The following FBXO25 variants were observed in gnomAD, a reference collection of about 807,000 sequenced individuals.
FBXO25 encodes the protein F-box protein 25.
Under a neutral mutation model 51.9 loss-of-function variants are expected in FBXO25, and 45 were observed. The ratio of observed to expected loss-of-function variants is 0.87; its 90% CI spans 0.68 to 1.11. FBXO25 has a LOEUF of 1.11. Among genes scored for constraint, FBXO25 ranks in the 50% most tolerant of loss-of-function variants. FBXO25 has a pLI of 0.00. For synonymous variants in FBXO25, 199 were observed against 151.0 expected, an observed-to-expected ratio of 1.32 and a Z score of -2.33; for missense variants, 507 against 428.5, an observed-to-expected ratio of 1.18 and a Z score of -1.62.
At chr8:438,573 G>C (rs1212705355) in intron 5 of FBXO25, among the ~76,000 whole-genome samples, 3 of 152,166 alleles carry the variant, frequency 2.0e-5, no homozygotes, top group Non-Finnish European at 4.4e-5. Context: ...TTGAGTTTGA[G>C]CCAGATGTCC....
intron 1 of FBXO25, among the ~76,000 whole-genome samples, chr8:407,884 G>A (rs1796260421): frequency 6.6e-6 from 1 of 152,074 alleles, no homozygotes; most frequent in African/African-American, 2.4e-5. Flanking sequence ...TTCTCAATTA[G>A]ATTCCACCTC....
chr8:414,353 A>T (rs1585000970), intron 2 of FBXO25, among the ~76,000 whole-genome samples: 1 of 152,180 alleles, frequency 6.6e-6, no homozygotes, highest in Non-Finnish European at 1.5e-5. Flanking sequence ...CAGTTTTTTT[A>T]AAATTTAAAG....
chr8:460,915 C>G (rs143620651), intron 8 of FBXO25, among the ~76,000 whole-genome samples: 1 of 152,070 alleles, frequency 6.6e-6, no homozygotes, highest in Non-Finnish European at 1.5e-5. Flanking sequence ...CCTCAAAAGC[C>G]GTGACTGAAG....
intron 5 of FBXO25, among the ~76,000 whole-genome samples, chr8:444,033 C>A (rs1013019621): frequency 2.6e-5 from 4 of 152,142 alleles, no homozygotes; most frequent in African/African-American, 9.7e-5. Context: ...TCTCTCCCTG[C>A]CTCAGTTTTC....
intron 1 of FBXO25, among the ~76,000 whole-genome samples, chr8:410,715 G>A (rs1796437664): frequency 6.6e-6 from 1 of 152,206 alleles, no homozygotes; most frequent in Non-Finnish European, 1.5e-5. Context: ...TTCAGTAGTT[G>A]TGAAGCAGTT....
chr8:414,417 A>G (rs567804808), intron 2 of FBXO25, among the ~76,000 whole-genome samples: 6 of 152,320 alleles, frequency 3.9e-5, no homozygotes, highest in African/African-American at 1.4e-4. Flanking sequence ...CCCAGTAGCC[A>G]CTATTAAATG....
rs764084968 is a variant in FBXO25, at chr8:470,367, T to C, written c.*1563T>C. On this transcript the variant is annotated 3_prime_UTR_variant, in exon 10 of 10. Coordinates refer to ENST00000350302, the MANE Select transcript of FBXO25 (RefSeq NM_183420.2). ...CATGAAAAAAAATTTTTTTGGAGTT[T>C]GTTTTTGAGACAGGGTCTTGCTCTG... is the stretch of plus-strand genomic sequence containing the variant. 7 of 152,176 alleles carry C rather than the reference T, an allele frequency of 4.6e-5. No homozygotes were observed. The highest frequency in any genetic ancestry group is 8.8e-5 in the Non-Finnish European group (6 of 68,066). The allele number at this position is 152,176 out of a possible 1,614,324, so 9.4% of individuals were successfully genotyped here. A position where few individuals can be genotyped will look rare whatever the true frequency, so the allele number is the denominator to read the frequency against.
At chr8:463,882 C>T (rs756317075) in intron 9 of FBXO25, among the ~76,000 whole-genome samples, 2 of 152,070 alleles carry the variant, frequency 1.3e-5, no homozygotes, top group African/African-American at 2.4e-5. Flanking sequence ...GGCGTCATCA[C>T]GGCTCACTGC....
chr8:449,115 G>T (rs1798915521), intron 5 of FBXO25, among the ~76,000 whole-genome samples: 1 of 152,156 alleles, frequency 6.6e-6, no homozygotes, highest in South Asian at 2.1e-4. Flanking sequence ...ATCAAAAAGT[G>T]AAACCCAACT....
chr8:459,096 G>A (rs939041994), intron 8 of FBXO25, among the ~76,000 whole-genome samples: 3 of 152,180 alleles, frequency 2.0e-5, no homozygotes, highest in African/African-American at 4.8e-5. Flanking sequence ...CCTCATCCAC[G>A]ATGAGACCCT....
At chr8:438,288 A>C (rs1454192041) in intron 5 of FBXO25, among the ~76,000 whole-genome samples, 1 of 152,088 alleles carries the variant, frequency 6.6e-6, no homozygotes, top group East Asian at 1.9e-4. Context: ...TGAACTCCTG[A>C]CCTCAAGTGA....
At chr8:457,087 G>C (rs1799489918) in intron 7 of FBXO25, among the ~76,000 whole-genome samples, 1 of 152,182 alleles carries the variant, frequency 6.6e-6, no homozygotes, top group Non-Finnish European at 1.5e-5. Context: ...TTGTGGCCAA[G>C]TACATACATC....
intron 2 of FBXO25, among the ~76,000 whole-genome samples, chr8:430,565 C>T (rs896011031): frequency 4.6e-5 from 7 of 152,196 alleles, no homozygotes; most frequent in African/African-American, 1.7e-4. Flanking sequence ...GCACCACTCT[C>T]ACATGCCTCC....
chr8:448,055 G>A (rs1798849057), intron 5 of FBXO25, among the ~76,000 whole-genome samples: 1 of 152,066 alleles, frequency 6.6e-6, no homozygotes, highest in Non-Finnish European at 1.5e-5. Flanking sequence ...AAATTAATAA[G>A]AATGAAACCG....
chr8:445,230 G>A (rs1798666513), intron 5 of FBXO25, among the ~76,000 whole-genome samples: 1 of 152,146 alleles, frequency 6.6e-6, no homozygotes, highest in Non-Finnish European at 1.5e-5. Context: ...ACCGTGCTAA[G>A]CTAATCCCTT....
chr8:407,977 G>A (rs1584987030), intron 1 of FBXO25, among the ~76,000 whole-genome samples: 4 of 152,104 alleles, frequency 2.6e-5, no homozygotes, highest in South Asian at 4.1e-4. Context: ...GTCTCTTGCT[G>A]CCTCCAAATC....
At chr8:447,658 C>G (rs372431876) in intron 5 of FBXO25, among the ~76,000 whole-genome samples, 2 of 152,152 alleles carry the variant, frequency 1.3e-5, no homozygotes, top group Non-Finnish European at 2.9e-5. Context: ...AATGAGATAA[C>G]TTGGGGCTGG....
rs572871219 is a variant in FBXO25 at position 432,834 on chromosome 8, C to T, written c.239-52C>T. ...ATTATTTAAATTCCTTTAAAATCTTCATTTTGAAATGATTTGCCAGATTTT... is the reference window on the plus strand; with the variant it reads ...ATTATTTAAATTCCTTTAAAATCTTTATTTTGAAATGATTTGCCAGATTTT... On this transcript the variant is annotated intron_variant, in intron 3 of 9. Transcript: ENST00000350302. 2.8e-5 allele frequency: 41 copies of T among 1,482,802 alleles called. No individual in the cohort carries two copies. In the East Asian group the frequency reaches 8.5e-4, roughly 31 times the overall value. The allele number at this position is 1,482,802 out of a possible 1,614,324, so 91.9% of individuals were successfully genotyped here. A position where few individuals can be genotyped will look rare whatever the true frequency, so the allele number is the denominator to read the frequency against.
intron 9 of FBXO25, among the ~76,000 whole-genome samples, chr8:466,624 G>C (rs749253993): frequency 6.6e-6 from 1 of 152,210 alleles, no homozygotes; most frequent in African/African-American, 2.4e-5. Context: ...TCTGTCTCAG[G>C]TCTGCATCTG....
Sources: allele counts gnomAD v4.1 joint callset (sites outside exome capture counted in the v4.1 genomes callset), GRCh38; gene constraint gnomAD v4.1.1; transcripts MANE v1.5; gene names NCBI Gene and HGNC (gene_info 2026-07-23, HGNC 2026-07-21).